MAPK8IP3: variants seen among roughly 807,000 people sequenced by gnomAD.
MAPK8IP3 encodes mitogen-activated protein kinase 8 interacting protein 3.
A neutral mutation model predicts 157.8 loss-of-function variants in MAPK8IP3; 49 were observed. The ratio of observed to expected loss-of-function variants is 0.31; its 90% CI spans 0.25 to 0.39. The LOEUF (loss-of-function observed/expected upper bound fraction) is 0.39, where lower values mean the gene tolerates loss of function less well. Ranked by LOEUF, MAPK8IP3 falls within the 10% of genes least tolerant of loss-of-function variation. The pLI, the probability that MAPK8IP3 is intolerant of heterozygous loss-of-function variation, is 1.00. For missense variants in MAPK8IP3, 1,478 were observed against 1,889.4 expected, an observed-to-expected ratio of 0.78 and a Z score of 4.04; for synonymous variants, 897 against 777.7, an observed-to-expected ratio of 1.15 and a Z score of -2.55.
rs2038733649 is a variant in MAPK8IP3 at position 1,724,429 on chromosome 16, T to C, written c.319-128T>C. On this transcript the variant is annotated intron_variant, in intron 1 of 31. Coordinates refer to ENST00000610761, the MANE Select transcript of MAPK8IP3 (RefSeq NM_001318852.2). The surrounding 1 kb of genome is among the most constrained non-coding windows in gnomAD (Gnocchi z 4.1). ...GGAAGCCCCCATTCCGGCCTGGCCA[T>C]GGGCCAGCTTGTGGCCCTGGGGACA... 2 of 1,293,028 alleles carry C rather than the reference T, an allele frequency of 1.5e-6. No individual in the cohort carries two copies. Among genetic ancestry groups the C allele is most frequent in the East Asian group, 2.4e-5 (1 of 42,334 alleles). 80.1% of individuals were successfully genotyped at this position (1,293,028 alleles called of 1,614,324 possible).
rs893069075 is a variant in MAPK8IP3, at chr16:1,724,419, G to A, written c.319-138G>A. ...CCACGTGGCGGGAAGCCCCCATTCC[G>A]GCCTGGCCATGGGCCAGCTTGTGGC... On this transcript the variant is annotated intron_variant, in intron 1 of 31. Transcript: ENST00000610761. This position sits in a 1 kb window ranked among gnomAD's most constrained non-coding sequence, Gnocchi z 4.1. The A allele has an allele frequency of 1.1e-5, 13 of 1,198,832 alleles. No individual in the cohort carries two copies. Among genetic ancestry groups the A allele is most frequent in the South Asian group, 4.4e-5 (3 of 68,090 alleles). 74.3% of individuals were successfully genotyped at this position (1,198,832 alleles called of 1,614,324 possible). A position where few individuals can be genotyped will look rare whatever the true frequency, so the allele number is the denominator to read the frequency against.
At chr16:1,728,989 G>T (rs2039104955) in intron 2 of MAPK8IP3, 149 bp from the exon 3 acceptor site, 2 of 727,638 alleles carry the variant, frequency 2.7e-6, no homozygotes, top group African/African-American at 3.5e-5. Flanking sequence ...CTCCCAGACG[G>T]CCTTGCACTT....
intron 1 of MAPK8IP3, among the ~76,000 whole-genome samples, chr16:1,709,780 G>A (rs117858712): frequency 0.016 from 2,391 of 152,362 alleles, 35 homozygotes; most frequent in Middle Eastern, 0.041. Context: ...GGGCAGCAAA[G>A]AGCCCTTCTC....
chr16:1,729,634 C>G (rs1050645851), intron 4 of MAPK8IP3, 56 bp downstream of exon 4: 1 of 1,473,284 alleles, frequency 6.8e-7, no homozygotes, highest in Non-Finnish European at 9.3e-7. Context: ...CGGAGGTACG[C>G]AGGACGCGGC....
chr16:1,739,106 GTC>G (rs941773889), intron 4 of MAPK8IP3, among the ~76,000 whole-genome samples: 1 of 136,028 alleles, frequency 7.4e-6, no homozygotes, highest in African/African-American at 2.8e-5. Context: ...CTGTGTGACC[GTC>G]TGTGTGAGCA....
intron 4 of MAPK8IP3, among the ~76,000 whole-genome samples, chr16:1,739,705 ACC>A (rs2040501226): frequency 9.3e-6 from 1 of 107,534 alleles, no homozygotes; most frequent in African/African-American, 3.8e-5. Context: ...CTTCCGTGTG[ACC>A]GTCCGTGTGA....
intron 2 of MAPK8IP3, among the ~76,000 whole-genome samples, chr16:1,728,298 T>C (rs969896293): frequency 6.6e-6 from 1 of 152,218 alleles, no homozygotes; most frequent in African/African-American, 2.4e-5. Context: ...TAGTCATGAT[T>C]GGCCTCCCCA....
rs536647222 is a variant in MAPK8IP3 at position 1,741,438 on chromosome 16, AG to A, written c.603-1893del. ...CAGCATGGAGCTGTGTGGGTGGGAG[AG>A]CCGTACATGCATTCCCTTGGCCTCC... On this transcript the variant is annotated intron_variant, in intron 4 of 31. Coordinates refer to ENST00000610761, the MANE Select transcript of MAPK8IP3 (RefSeq NM_001318852.2). This position sits in a 1 kb window ranked among gnomAD's most constrained non-coding sequence, Gnocchi z 6.9. Among the ~76,000 whole-genome samples the A allele has an allele frequency of 4.6e-5, 7 of 152,038 alleles. No homozygotes were observed. The South Asian group carries it at 1.5e-3, about 32-fold the overall frequency.
At chr16:1,721,046 A>C (rs1034686395) in intron 1 of MAPK8IP3, among the ~76,000 whole-genome samples, 3 of 151,818 alleles carry the variant, frequency 2.0e-5, no homozygotes, top group Non-Finnish European at 2.9e-5. Context: ...AAAAAAAAAA[A>C]ACAAAACAAG....
chr16:1,724,757 G>T lies in MAPK8IP3; in HGVS notation c.439+80G>T, dbSNP rs568874056. ...GCTCTGGTTGGGGTGGGCATGGAGC[G>T]CCTTCCACACAAGGGGACGAGAGGA... On this transcript the variant is annotated intron_variant, in intron 2 of 31. Coordinates refer to ENST00000610761, the MANE Select transcript of MAPK8IP3 (RefSeq NM_001318852.2). The surrounding 1 kb of genome is among the most constrained non-coding windows in gnomAD (Gnocchi z 4.1). 71 of 1,553,920 alleles carry T rather than the reference G, an allele frequency of 4.6e-5. No homozygotes were observed. Among genetic ancestry groups the T allele is most frequent in the Non-Finnish European group, 6.1e-5 (70 of 1,146,618 alleles).
chr16:1,747,319 G>A (rs2041026377), intron 6 of MAPK8IP3, 44 bp downstream of exon 6: 1 of 1,598,462 alleles, frequency 6.3e-7, no homozygotes. Flanking sequence ...CGGGCAGGAG[G>A]CAGGGCTTGG....
Position 1,758,169 on chromosome 16 carries a change from T to A in MAPK8IP3, c.1228+10T>A. On this transcript the variant is annotated intron_variant, in intron 9 of 31. Transcript: ENST00000610761. ...CCAGGGGAGTTCTCAGGTGAGTATCTCACTCTCCTGTCTGTCTCCCCTCTG... is the reference window on the plus strand; with the variant it reads ...CCAGGGGAGTTCTCAGGTGAGTATCACACTCTCCTGTCTGTCTCCCCTCTG... The A allele has an allele frequency of 4.3e-6, 7 of 1,613,608 alleles. No individual in the cohort carries two copies. The highest frequency in any genetic ancestry group is 5.9e-6 in the Non-Finnish European group (7 of 1,179,750).
Position 1,706,744 on chromosome 16 carries a change from A to T in MAPK8IP3, c.318+87A>T. 1 of 1,246,088 alleles carries T rather than the reference A, an allele frequency of 8.0e-7. No homozygotes were observed. Among genetic ancestry groups the T allele is most frequent in the Admixed American group, 4.3e-5 (1 of 23,376 alleles). 77.2% of individuals were successfully genotyped at this position (1,246,088 alleles called of 1,614,324 possible). A position where few individuals can be genotyped will look rare whatever the true frequency, so the allele number is the denominator to read the frequency against. ...CGGACCCAACACCCGTCCCGACCCC[A>T]GACCCCGCTCCGGCACCCCGGACCG... On this transcript the variant is annotated intron_variant, in intron 1 of 31. Coordinates refer to ENST00000610761, the MANE Select transcript of MAPK8IP3 (RefSeq NM_001318852.2). This position sits in a 1 kb window ranked among gnomAD's most constrained non-coding sequence, Gnocchi z 5.1.
chr16:1,758,060 G>A (rs367996777), intron 8 of MAPK8IP3, 88 bp from the exon 9 acceptor site: 197 of 1,364,610 alleles, frequency 1.4e-4, no homozygotes, highest in Non-Finnish European at 1.6e-4. Flanking sequence ...TGGGTTTTCT[G>A]TAATAAGAAT....
At position 1,763,024 on chromosome 16, in the gene MAPK8IP3, C is replaced by A; in HGVS notation, c.1898+18C>A. 2 of 1,612,190 alleles carry A rather than the reference C, an allele frequency of 1.2e-6. No individual in the cohort carries two copies. Among genetic ancestry groups the A allele is most frequent in the Non-Finnish European group, 1.7e-6 (2 of 1,179,546 alleles). On this transcript the variant is annotated intron_variant, in intron 16 of 31. Transcript: ENST00000610761. ...CCTGACGAGTGAGTGTCCCGCAGCC[C>A]CCACTTGTGGCCTGCAATGGGGTTG...
chr16:1,760,610 C>T, intron 12 of MAPK8IP3, 78 bp downstream of exon 12: 1 of 1,526,618 alleles, frequency 6.6e-7, no homozygotes, highest in Non-Finnish European at 8.8e-7. Context: ...CCTCCAGTGC[C>T]TGCTCTCCAG....
chr16:1,761,412 T>C (rs1352591115), intron 13 of MAPK8IP3, 107 bp downstream of exon 13: 37 of 988,896 alleles, frequency 3.7e-5, no homozygotes, highest in Non-Finnish European at 3.2e-6. Context: ...CCATTCACCA[T>C]TCACAGGCAG....
chr16:1,766,288 A>C lies in MAPK8IP3; in HGVS notation c.2698A>C (p.Thr900Pro). ...GTCCACAGAGGAGGCCACAGAGGCC[A>C]CGGAGGTGCCAGACCCTGGGCCCAG... ...SQSTEEATEA[T>P]EVPDPGPSEP... is the part of the protein sequence containing the mutation. Residue 900 changes from threonine (T) to proline (P), a missense_variant, in exon 22 of 32, where the codon ACG (threonine) becomes CCG (proline). This residue lies in a region of MAPK8IP3 where 669 missense variants were observed against 759.8 expected (regional missense o/e 0.88). Coordinates refer to ENST00000610761, the MANE Select transcript of MAPK8IP3 (RefSeq NM_001318852.2). 6.2e-7 allele frequency: 1 copy of C among 1,612,706 alleles called. No individual in the cohort carries two copies. Among genetic ancestry groups the C allele is most frequent in the Non-Finnish European group, 8.5e-7 (1 of 1,179,986 alleles).
Position 1,737,425 on chromosome 16 carries a change from C to T in MAPK8IP3, c.603-5907C>T, listed in dbSNP as rs559583214. 1.3e-4 allele frequency among the ~76,000 whole-genome samples: 12 copies of T among 90,820 alleles called. 2 individuals carry two copies. The highest frequency in any genetic ancestry group is 9.7e-4 in the Admixed American group (8 of 8,250). The allele number at this position is 90,820 out of a possible 152,430, so 59.6% of individuals were successfully genotyped here. A position where few individuals can be genotyped will look rare whatever the true frequency, so the allele number is the denominator to read the frequency against. ...CTGTGTGACCGTCCGTGTGAGCGTC[C>T]GTGTGAGTGTGTGAGCGTCCGTGTG... is the stretch of plus-strand genomic sequence containing the variant. On this transcript the variant is annotated intron_variant, in intron 4 of 31. Coordinates refer to ENST00000610761, the MANE Select transcript of MAPK8IP3 (RefSeq NM_001318852.2).
Sources: allele counts gnomAD v4.1 joint callset (sites outside exome capture counted in the v4.1 genomes callset), GRCh38; gene constraint gnomAD v4.1.1; regional missense constraint gnomAD v4.1.1; non-coding constraint Gnocchi (gnomAD v3.1); transcripts MANE v1.5; gene names NCBI Gene and HGNC (gene_info 2026-07-23, HGNC 2026-07-21).